The following CCNG2 variants were observed in gnomAD, a reference collection of about 807,000 sequenced individuals.
CCNG2 encodes cyclin G2.
CCNG2 carries 20 observed loss-of-function variants against 36.5 expected under a neutral mutation model. The observed-to-expected ratio is 0.55, with a 90% confidence interval of 0.39 to 0.80. The LOEUF (loss-of-function observed/expected upper bound fraction) is 0.80, where lower values mean the gene tolerates loss of function less well. CCNG2 is among the 30% of genes least tolerant of loss of function. CCNG2 has a pLI of 0.00. For synonymous variants in CCNG2, 155 were observed against 140.1 expected, an observed-to-expected ratio of 1.11 and a Z score of -0.75; for missense variants, 358 against 390.8, an observed-to-expected ratio of 0.92 and a Z score of 0.71.
chr4:77,163,374 A>T (rs974728891), intron 6 of CCNG2, among the ~76,000 whole-genome samples: 2 of 152,164 alleles, frequency 1.3e-5, no homozygotes, highest in Non-Finnish European at 2.9e-5. Flanking sequence ...ATTGAAGGTC[A>T]TTGGGTGTGT....
chr4:77,164,704 A>C, intron 7 of CCNG2: 1 of 439,258 alleles, frequency 2.3e-6, no homozygotes, highest in East Asian at 3.8e-5. Context: ...TTTCTTTTTT[A>C]TATTTTTTTG....
chr4:77,163,538 T>G (rs1731542657), intron 6 of CCNG2, among the ~76,000 whole-genome samples: 1 of 152,240 alleles, frequency 6.6e-6, no homozygotes, highest in Non-Finnish European at 1.5e-5. Flanking sequence ...ATTTTGTTTG[T>G]AACAGATAAC....
chr4:77,162,717 C>T lies in CCNG2; in HGVS notation c.705+970C>T, dbSNP rs77407334. 4.7e-3 allele frequency among the ~76,000 whole-genome samples: 710 copies of T among 151,978 alleles called. 5 individuals are homozygous for T. The highest frequency in any genetic ancestry group is 0.017 in the African/African-American group (688 of 41,442). On this transcript the variant is annotated intron_variant, in intron 6 of 7. Transcript: ENST00000316355. ...GTTTTTTTTAAGCAAAGAAATAGGG[C>T]AGACTAGGAGAAACACTATGACTGG...
At chr4:77,162,809 T>C (rs1004677910) in intron 6 of CCNG2, among the ~76,000 whole-genome samples, 9 of 151,770 alleles carry the variant, frequency 5.9e-5, no homozygotes, top group African/African-American at 2.2e-4. Context: ...GGCCAAGAAA[T>C]TGGTGGACTA....
intron 7 of CCNG2, chr4:77,164,689 G>T: frequency 8.4e-6 from 4 of 474,646 alleles, no homozygotes; most frequent in South Asian, 6.9e-5. Context: ...AATTTTTTTA[G>T]TTTTTTTCTT....
intron 7 of CCNG2, among the ~76,000 whole-genome samples, chr4:77,165,463 G>C (rs1430552482): frequency 6.7e-6 from 1 of 150,236 alleles, no homozygotes; most frequent in Non-Finnish European, 1.5e-5. Flanking sequence ...ACCATGCCCA[G>C]CTAATTTTTG....
In CCNG2 at chr4:77,168,902, G is replaced by C. The variant is rs1003698670; in HGVS notation, c.*2978G>C. On this transcript the variant is annotated 3_prime_UTR_variant, in exon 8 of 8. Coordinates refer to ENST00000316355, the MANE Select transcript of CCNG2 (RefSeq NM_004354.3). Reference sequence around the variant, plus strand: ...CCTTACCCCCGTTGACTTGGCGAGAGATTTGACCTTTCAGGTTTTGATCCT... The same window carrying C: ...CCTTACCCCCGTTGACTTGGCGAGACATTTGACCTTTCAGGTTTTGATCCT... 6.6e-6 allele frequency: 1 copy of C among 152,252 alleles called. No homozygotes were observed. The highest frequency in any genetic ancestry group is 2.4e-5 in the African/African-American group (1 of 41,440). The allele number at this position is 152,252 out of a possible 1,614,324, so 9.4% of individuals were successfully genotyped here.
At chr4:77,162,905 A>T (rs1309400226) in intron 6 of CCNG2, among the ~76,000 whole-genome samples, 2 of 151,992 alleles carry the variant, frequency 1.3e-5, no homozygotes, top group Non-Finnish European at 2.9e-5. Context: ...TGTCCAACTC[A>T]AACAGTGGTT....
chr4:77,158,728 C>T (rs962198113), intron 2 of CCNG2, 58 bp downstream of exon 2: 9 of 1,560,634 alleles, frequency 5.8e-6, no homozygotes, highest in Middle Eastern at 1.7e-4. Context: ...GAGGAGGTAA[C>T]CCCCCCGCCC....
At chr4:77,163,254 A>G (rs1217316755) in intron 6 of CCNG2, among the ~76,000 whole-genome samples, 1 of 152,114 alleles carries the variant, frequency 6.6e-6, no homozygotes, top group Non-Finnish European at 1.5e-5. Flanking sequence ...TTAGGAGCCA[A>G]GTGAAGAAAG....
At chr4:77,158,807 C>A in intron 2 of CCNG2, 137 bp downstream of exon 2, 1 of 801,828 alleles carries the variant, frequency 1.2e-6, no homozygotes, top group Non-Finnish European at 2.0e-6. Flanking sequence ...CAAGATAAAC[C>A]TTATTACAGG....
At chr4:77,165,143 G>A (rs1006100442) in intron 7 of CCNG2, 1 of 152,142 alleles carries the variant, frequency 6.6e-6, no homozygotes, top group African/African-American at 2.4e-5. Flanking sequence ...AAATTTGTTT[G>A]TTTTATGCCG....
intron 1 of CCNG2, among the ~76,000 whole-genome samples, chr4:77,158,124 C>T (rs902629679): frequency 1.3e-5 from 2 of 152,078 alleles, no homozygotes; most frequent in Admixed American, 6.5e-5. Context: ...TCCCTCCCCT[C>T]CCCCCTATTG....
At position 77,165,798 on chromosome 4, in the gene CCNG2, T is replaced by C. The variant is rs763049090; in HGVS notation, c.912-3T>C. On this transcript the variant is annotated splice_region_variant and splice_polypyrimidine_tract_variant and intron_variant, in intron 7 of 7. Coordinates refer to ENST00000316355, the MANE Select transcript of CCNG2 (RefSeq NM_004354.3). ...CTCTTTTTTTGTCTCTTTTTCTCTTTAGTGAGGACTCTTGTGAAGATATGA... is the reference window on the plus strand; with the variant it reads ...CTCTTTTTTTGTCTCTTTTTCTCTTCAGTGAGGACTCTTGTGAAGATATGA... 1.5e-5 allele frequency: 24 copies of C among 1,552,820 alleles called. No individual in the cohort carries two copies. The highest frequency in any genetic ancestry group is 2.2e-5 in the Admixed American group (1 of 46,142).
rs2109914357 is a variant in CCNG2, at chr4:77,158,555, A to C, written c.23A>C (p.His8Pro). Residue 8 changes from histidine to proline, a missense_variant, in exon 2 of 8, where the codon CAC becomes CCC. By Grantham distance (77) the His-to-Pro change is moderately conservative. Transcript: ENST00000316355. Reference sequence around the variant, plus strand: ...CAGATGAAGGATTTGGGGGCAGAGCACTTGGCAGGTCATGAAGGGGTCCAA... The same window carrying C: ...CAGATGAAGGATTTGGGGGCAGAGCCCTTGGCAGGTCATGAAGGGGTCCAA... MKDLGAE[H>P]LAGHEGVQLL... 2 of 1,614,138 alleles carry C rather than the reference A, an allele frequency of 1.2e-6. No homozygotes were observed. Among genetic ancestry groups the C allele is most frequent in the South Asian group, 2.2e-5 (2 of 91,074 alleles).
chr4:77,164,723 T>C (rs1269093588), intron 7 of CCNG2: 1 of 362,714 alleles, frequency 2.8e-6, no homozygotes, highest in Admixed American at 4.3e-5. Context: ...TGAGTAGAGA[T>C]AGGGTCTCGC....
At chr4:77,165,014 A>G (rs986709977) in intron 7 of CCNG2, 1 of 152,430 alleles carries the variant, frequency 6.6e-6, no homozygotes, top group African/African-American at 2.4e-5. Context: ...TGCCTGGAAA[A>G]TAAAGGGAAT....
intron 1 of CCNG2, 122 bp from the exon 2 acceptor site, chr4:77,158,411 C>G: frequency 1.1e-6 from 1 of 940,388 alleles, no homozygotes; most frequent in South Asian, 1.5e-5. Context: ...GTCCCTTCAC[C>G]CGCTCCTTGT....
intron 7 of CCNG2, 42 bp from the exon 8 acceptor site, chr4:77,165,759 T>C (rs1295350373): frequency 7.4e-6 from 11 of 1,491,072 alleles, no homozygotes; most frequent in Admixed American, 4.9e-5. Context: ...AAGTGTGTTT[T>C]AAGTAATGGT....
Sources: gnomAD v4.1 joint callset for allele counts (sites outside exome capture counted in the v4.1 genomes callset) on GRCh38, gnomAD v4.1.1 for gene constraint, MANE v1.5 for transcripts, NCBI Gene and HGNC (gene_info 2026-07-23, HGNC 2026-07-21) for gene names.